Variants in SRSF11 observed in about 807,000 individuals in gnomAD.
SRSF11 encodes serine and arginine rich splicing factor 11.
Under a neutral mutation model 56.0 loss-of-function variants are expected in SRSF11, and 9 were observed. The ratio of observed to expected loss-of-function variants is 0.16; its 90% CI spans 0.10 to 0.28. SRSF11 has a LOEUF of 0.28. Among genes scored for constraint, SRSF11 ranks in the 10% least tolerant of loss-of-function variants. The pLI is 1.00. For missense variants in SRSF11, 421 were observed against 600.7 expected, an observed-to-expected ratio of 0.70 and a Z score of 3.13; for synonymous variants, 222 against 215.3, an observed-to-expected ratio of 1.03 and a Z score of -0.27.
chr1:70,206,521 A>G (rs1314596711), intron 1 of SRSF11, among the ~76,000 whole-genome samples: 3 of 152,140 alleles, frequency 2.0e-5, no homozygotes, highest in African/African-American at 4.8e-5. Context: ...TCTGAAATGT[A>G]CAACTTCTTG....
exon 1 of SRSF11, chr1:70,205,769 T>G: frequency 2.2e-6 from 1 of 453,616 alleles, no homozygotes; most frequent in Non-Finnish European, 4.0e-6. Context: ...GTCCTGGAAT[T>G]ACTTCAATCA....
chr1:70,234,905 T>G (rs1673617305), intron 4 of SRSF11, 117 bp downstream of exon 4: 1 of 747,210 alleles, frequency 1.3e-6, no homozygotes, highest in Non-Finnish European at 2.1e-6. Flanking sequence ...ATTTTTTTTC[T>G]TGTTTAAACT....
At chr1:70,231,385 A>G (rs1672814588) in intron 2 of SRSF11, 2 of 1,061,304 alleles carry the variant, frequency 1.9e-6, no homozygotes, top group South Asian at 2.9e-5. Context: ...CTACATAAAT[A>G]TTTGTTTTAG....
At chr1:70,229,110 T>C (rs1380193629) in intron 2 of SRSF11, 68 of 1,200,272 alleles carry the variant, frequency 5.7e-5, no homozygotes, top group Non-Finnish European at 7.0e-5. Context: ...CTGGGTGTTT[T>C]ATTTTATGCC....
chr1:70,217,972 TTGTTTTTTGTGTG>T (rs1312266530), upstream of SRSF11, among the ~76,000 whole-genome samples: 1 of 151,944 alleles, frequency 6.6e-6, no homozygotes, highest in African/African-American at 2.4e-5. Flanking sequence ...TTTTTTTTGT[TTGTTTTTTGTGTG>T]TGTTTTTTGT....
At chr1:70,214,144 G>A (rs1292727652) in intron 1 of SRSF11, among the ~76,000 whole-genome samples, 1 of 152,116 alleles carries the variant, frequency 6.6e-6, no homozygotes. Flanking sequence ...ACTATTAGAG[G>A]TAAAGATACA....
intron 2 of SRSF11, chr1:70,230,873 T>A: frequency 8.5e-7 from 1 of 1,178,428 alleles, no homozygotes; most frequent in South Asian, 1.7e-5. Flanking sequence ...TCTTTGTAGG[T>A]TTGTTAATAT....
In SRSF11 at chr1:70,221,739, A is replaced by G. The variant is rs371773673; in HGVS notation, c.103A>G (p.Ile35Val). 2.5e-5 allele frequency: 40 copies of G among 1,613,964 alleles called. No individual in the cohort carries two copies. Among genetic ancestry groups the G allele is most frequent in the Non-Finnish European group, 3.1e-5 (36 of 1,179,990 alleles). ...CGGCGGAGGCGGCGGCACCGAGGTA[A>G]TCCAGGTGACTAATGTCTCCCCGAG... ...GGGGGGGTEV[I>V]QVTNVSPSAS... Residue 35 changes from isoleucine (I) to valine (V), a missense_variant, in exon 1 of 12, where the codon ATC becomes GTC. Physicochemically the swap from Ile to Val is conservative, Grantham distance 29. Coordinates refer to ENST00000370949, the MANE Select transcript of SRSF11 (RefSeq NM_001350605.2).
intron 1 of SRSF11, among the ~76,000 whole-genome samples, chr1:70,206,324 TTTACTCAACCGC>T (rs1481851572): frequency 6.6e-6 from 1 of 152,170 alleles, no homozygotes; most frequent in Non-Finnish European, 1.5e-5. Flanking sequence ...CTTTAGGCAG[TTTACTCAACCGC>T]TTTTAAAGCT....
At chr1:70,228,283 T>A (rs1672245677) in intron 1 of SRSF11, 139 bp from the exon 2 acceptor site, 1 of 599,366 alleles carries the variant, frequency 1.7e-6, no homozygotes, top group Non-Finnish European at 2.9e-6. Context: ...TTGAGAATGT[T>A]TTCTTTTGAA....
intron 4 of SRSF11, 103 bp from the exon 5 acceptor site, chr1:70,235,398 C>A: frequency 1.1e-6 from 1 of 904,068 alleles, no homozygotes; most frequent in Non-Finnish European, 1.7e-6. Context: ...TGTTTCATGG[C>A]ATGTAGTCTG....
At chr1:70,230,492 T>G (rs1019098373) in intron 2 of SRSF11, 2 of 1,239,034 alleles carry the variant, frequency 1.6e-6, no homozygotes, top group African/African-American at 1.6e-5. Context: ...ATTTTTTAGG[T>G]TCCTTGGTTA....
At position 70,228,408 on chromosome 1, in the gene SRSF11, T is replaced by C; in HGVS notation, c.204-14T>C. 1 of 1,591,248 alleles carries C rather than the reference T, an allele frequency of 6.3e-7. No individual in the cohort carries two copies. Among genetic ancestry groups the C allele is most frequent in the Non-Finnish European group, 8.6e-7 (1 of 1,162,642 alleles). On this transcript the variant is annotated splice_polypyrimidine_tract_variant and intron_variant, in intron 1 of 11. Coordinates refer to ENST00000370949, the MANE Select transcript of SRSF11 (RefSeq NM_001350605.2). ...TATTCTGTTTCTCTTTTATGTTATT[T>C]GTTTATTTTTTAGTGATTCGCCTTT...
intron 1 of SRSF11, 102 bp downstream of exon 1, chr1:70,221,941 C>T (rs963640625): frequency 1.3e-6 from 2 of 1,506,474 alleles, no homozygotes; most frequent in Non-Finnish European, 1.8e-6. Flanking sequence ...CCGGGCCAGG[C>T]TGCTTGAGTG....
At chr1:70,208,520 C>T (rs1484183404) in intron 1 of SRSF11, among the ~76,000 whole-genome samples, 1 of 152,096 alleles carries the variant, frequency 6.6e-6, no homozygotes, top group African/African-American at 2.4e-5. Flanking sequence ...ATTTTTTTAG[C>T]AGAGGCAGGG....
intron 10 of SRSF11, 92 bp downstream of exon 10, chr1:70,250,139 C>A: frequency 1.5e-6 from 2 of 1,332,930 alleles, no homozygotes; most frequent in Non-Finnish European, 2.1e-6. Flanking sequence ...TCAGCAGTTA[C>A]AGTTCTTAAG....
chr1:70,252,765 TCA>T lies in SRSF11; in HGVS notation c.*1963_*1964del, dbSNP rs1678123614. 1.3e-5 allele frequency: 2 copies of T among 152,222 alleles called. No individual in the cohort carries two copies. Among genetic ancestry groups the T allele is most frequent in the South Asian group, 4.1e-4 (2 of 4,826 alleles). The allele number at this position is 152,222 out of a possible 1,614,324, so 9.4% of individuals were successfully genotyped here. A position where few individuals can be genotyped will look rare whatever the true frequency, so the allele number is the denominator to read the frequency against. On this transcript the variant is annotated 3_prime_UTR_variant, in exon 12 of 12. Coordinates refer to ENST00000370949, the MANE Select transcript of SRSF11 (RefSeq NM_001350605.2). ...ATTTCACATATGGTAAACCTAATAT[TCA>T]CAGTGTGTTCCCTCACTTGTAATCT...
chr1:70,229,050 G>A, intron 2 of SRSF11: 1 of 983,782 alleles, frequency 1.0e-6, no homozygotes, highest in Non-Finnish European at 1.2e-6. Flanking sequence ...CAGTGATTTT[G>A]GTTTTCGTGA....
chr1:70,215,945 C>A (rs1045136285), intron 1 of SRSF11, among the ~76,000 whole-genome samples: 2 of 152,202 alleles, frequency 1.3e-5, no homozygotes, highest in African/African-American at 2.4e-5. Context: ...CGCCACCACG[C>A]GCGGCTGATT....
Sources: gnomAD v4.1 joint callset for allele counts (sites outside exome capture counted in the v4.1 genomes callset) on GRCh38, gnomAD v4.1.1 for gene constraint, MANE v1.5 for transcripts, NCBI Gene and HGNC (gene_info 2026-07-23, HGNC 2026-07-21) for gene names.